The following SOD1 variants were observed in gnomAD, a reference collection of about 807,000 sequenced individuals.
SOD1 encodes superoxide dismutase 1, also known as superoxide dismutase [Cu-Zn].
In SOD1, 8 loss-of-function variants were observed where a neutral mutation model predicts 15.9. The ratio of observed to expected loss-of-function variants is 0.50; its 90% CI spans 0.30 to 0.91. The LOEUF (loss-of-function observed/expected upper bound fraction) is 0.91. SOD1 is among the 40% of genes least tolerant of loss of function. SOD1 has a pLI of 0.07. For synonymous variants in SOD1, 86 were observed against 71.2 expected, an observed-to-expected ratio of 1.21 and a Z score of -1.04; for missense variants, 137 against 194.5, an observed-to-expected ratio of 0.70 and a Z score of 1.76.
chr21:31,659,943 C>T (rs1454694712), intron 1 of SOD1, 102 bp downstream of exon 1: 1 of 1,225,486 alleles, frequency 8.2e-7, no homozygotes, highest in East Asian at 2.5e-5. Context: ...CTCGGGGCCG[C>T]CCTGGTCCAG....
At chr21:31,659,968 C>A in intron 1 of SOD1, 127 bp downstream of exon 1, 1 of 851,852 alleles carries the variant, frequency 1.2e-6, no homozygotes, top group Non-Finnish European at 1.8e-6. Flanking sequence ...CGGTCCCGGC[C>A]CGTGCCGCCC....
chr21:31,668,338 T>C, intron 4 of SOD1, 133 bp from the exon 5 acceptor site: 2 of 683,720 alleles, frequency 2.9e-6, no homozygotes, highest in South Asian at 1.6e-5. Flanking sequence ...CTACTAAATA[T>C]TAGTATATCT....
Position 31,668,481 on chromosome 21 carries a change from AAGC to A in SOD1, c.371_373del (p.Ala124del). ...TAAAATTTTTTACAGGTCCATGAAA[AAGC>A]AGATGACTTGGGCAAAGGTGGAAAT... is the stretch of plus-strand genomic sequence containing the variant. On this transcript the variant is annotated inframe_deletion, in exon 5 of 5. Transcript: ENST00000270142. 1 of 1,613,872 alleles carries A rather than the reference AAGC, an allele frequency of 6.2e-7. No homozygotes were observed.
At position 31,667,443 on chromosome 21, in the gene SOD1, ATTGT is replaced by A. The variant is rs2123435792; in HGVS notation, c.357+70_357+73del. On this transcript the variant is annotated intron_variant, in intron 4 of 4. Coordinates refer to ENST00000270142, the MANE Select transcript of SOD1 (RefSeq NM_000454.5). ...TACAGTCATGTATCTTTTCACTTTG[ATTGT>A]TAGTCGCGGTTTCTAAAGATCCAGA... The A allele has an allele frequency of 3.5e-6, 4 of 1,156,076 alleles. No homozygotes were observed. In the East Asian group the frequency reaches 7.2e-5, roughly 21 times the overall value. The allele number at this position is 1,156,076 out of a possible 1,614,324, so 71.6% of individuals were successfully genotyped here.
chr21:31,663,632 C>CT (rs1292084770), intron 1 of SOD1, among the ~76,000 whole-genome samples, 158 bp from the exon 2 acceptor site: 1 of 152,190 alleles, frequency 6.6e-6, no homozygotes, highest in Non-Finnish European at 1.5e-5. Flanking sequence ...AAGCAGCTTG[C>CT]TGGAGGTTCA....
chr21:31,663,935 A>C (rs750860939), intron 2 of SOD1, 49 bp downstream of exon 2: 1 of 1,391,216 alleles, frequency 7.2e-7, no homozygotes, highest in South Asian at 1.2e-5. Flanking sequence ...CCCTAGTTAG[A>C]TAAACAGTAG....
intron 3 of SOD1, 137 bp from the exon 4 acceptor site, chr21:31,667,121 T>C (rs1394803283): frequency 1.3e-5 from 9 of 705,466 alleles, no homozygotes; most frequent in Admixed American, 1.0e-4. Context: ...AAGCCTTGTT[T>C]GAAGAGCTGT....
In SOD1 at chr21:31,659,706, C is replaced by T. The variant is rs1048373736; in HGVS notation, c.-64C>T. ...GGGTGCTGGTTTGCGTCGTAGTCTCCTGCAGCGTCTGGGGTTTCCGTTGCA... is the reference window on the plus strand; with the variant it reads ...GGGTGCTGGTTTGCGTCGTAGTCTCTTGCAGCGTCTGGGGTTTCCGTTGCA... On this transcript the variant is annotated 5_prime_UTR_variant, in exon 1 of 5. Coordinates refer to ENST00000270142, the MANE Select transcript of SOD1 (RefSeq NM_000454.5). The T allele has an allele frequency of 3.5e-5, 55 of 1,556,898 alleles. No homozygotes were observed. In the Admixed American group the frequency reaches 6.7e-4, roughly 19 times the overall value.
At chr21:31,668,113 T>C (rs1244506636) in intron 4 of SOD1, among the ~76,000 whole-genome samples, 2 of 152,160 alleles carry the variant, frequency 1.3e-5, no homozygotes, top group African/African-American at 4.8e-5. Flanking sequence ...TTCCTTTTTT[T>C]CCAAAGCAAT....
chr21:31,668,243 T>G (rs1000108530), intron 4 of SOD1, among the ~76,000 whole-genome samples: 13 of 152,198 alleles, frequency 8.5e-5, no homozygotes, highest in Non-Finnish European at 1.6e-4. Context: ...GTATTTCATT[T>G]AGACAGCAAC....
chr21:31,661,060 C>T (rs1267457698), intron 1 of SOD1, among the ~76,000 whole-genome samples: 1 of 152,186 alleles, frequency 6.6e-6, no homozygotes, highest in Admixed American at 6.5e-5. Flanking sequence ...TCCCCAGAAC[C>T]TTAGTGAAGT....
At chr21:31,665,677 CCCT>C (rs1279164301) in intron 2 of SOD1, among the ~76,000 whole-genome samples, 3 of 152,166 alleles carry the variant, frequency 2.0e-5, no homozygotes, top group Non-Finnish European at 2.9e-5. Flanking sequence ...GAATGCCGCC[CCCT>C]CGAGTTGTGT....
chr21:31,668,337 A>G (rs914000710), intron 4 of SOD1, 134 bp from the exon 5 acceptor site: 1 of 682,558 alleles, frequency 1.5e-6, no homozygotes, highest in Non-Finnish European at 2.6e-6. Context: ...ACTACTAAAT[A>G]TTAGTATATC....
intron 1 of SOD1, among the ~76,000 whole-genome samples, chr21:31,662,100 T>C (rs1280710937): frequency 6.6e-6 from 1 of 152,158 alleles, no homozygotes; most frequent in Non-Finnish European, 1.5e-5. Flanking sequence ...CTTAAGTTCA[T>C]AGCCTGGTCC....
At chr21:31,665,935 T>C (rs1408746244) in intron 2 of SOD1, among the ~76,000 whole-genome samples, 1 of 151,972 alleles carries the variant, frequency 6.6e-6, no homozygotes, top group African/African-American at 2.4e-5. Flanking sequence ...GGTGTTAACT[T>C]TACAAGTGTC....
intron 3 of SOD1, 67 bp downstream of exon 3, chr21:31,666,585 G>A (rs2049595486): frequency 8.8e-7 from 1 of 1,130,042 alleles, no homozygotes; most frequent in South Asian, 1.3e-5. Context: ...TATACTACTT[G>A]TAAATATGTG....
At chr21:31,663,688 A>G (rs1301513251) in intron 1 of SOD1, 102 bp from the exon 2 acceptor site, 10 of 908,386 alleles carry the variant, frequency 1.1e-5, no homozygotes, top group Non-Finnish European at 1.6e-5. Context: ...AGATTTTTCC[A>G]CTCCCAAGTC....
At position 31,667,315 on chromosome 21, in the gene SOD1, T is replaced by C. The variant is rs1432013430; in HGVS notation, c.297T>C (p.Ser99=). 1.2e-6 allele frequency: 2 copies of C among 1,614,152 alleles called. No individual in the cohort carries two copies. The highest frequency in any genetic ancestry group is 1.3e-5 in the African/African-American group (1 of 75,042). ...ACAAAGATGGTGTGGCCGATGTGTC[T>C]ATTGAAGATTCTGTGATCTCACTCT... ...TADKDGVADV[S]IEDSVISLSG... The change falls in exon 4 of 5, where the codon TCT becomes TCC. Residue 99 remains serine, a synonymous_variant. Coordinates refer to ENST00000270142, the MANE Select transcript of SOD1 (RefSeq NM_000454.5).
At chr21:31,664,687 C>T (rs1276737538) in intron 2 of SOD1, among the ~76,000 whole-genome samples, 5 of 152,010 alleles carry the variant, frequency 3.3e-5, no homozygotes, top group African/African-American at 1.2e-4. Flanking sequence ...GGCGCGATCT[C>T]GGCTCACTGC....
Sources: allele counts gnomAD v4.1 joint callset (sites outside exome capture counted in the v4.1 genomes callset), GRCh38; gene constraint gnomAD v4.1.1; transcripts MANE v1.5; gene names NCBI Gene and HGNC (gene_info 2026-07-23, HGNC 2026-07-21).